Variants in COLEC11 observed in about 807,000 individuals in gnomAD.
The protein encoded by COLEC11 is collectin subfamily member 11.
A neutral mutation model predicts 27.3 loss-of-function variants in COLEC11; 20 were observed. The ratio of observed to expected loss-of-function variants is 0.73; its 90% CI spans 0.51 to 1.06. COLEC11 has a LOEUF of 1.06. COLEC11 is among the 50% of genes least tolerant of loss of function. The probability of loss-of-function intolerance (pLI) is 0.00; values close to 1 mark genes in which losing one functional copy is unlikely to be tolerated. For missense variants in COLEC11, 310 were observed against 383.0 expected (o/e 0.81, Z 1.59); for synonymous variants, 163 against 154.7 (o/e 1.05, Z -0.40).
chr2:3,597,829 G>A (rs923093134), intron 1 of COLEC11, among the ~76,000 whole-genome samples: 6 of 152,188 alleles, frequency 3.9e-5, no homozygotes, highest in East Asian at 1.9e-4. Flanking sequence ...GGCAGGAGCC[G>A]GGGAGACTAC....
intron 3 of COLEC11, among the ~76,000 whole-genome samples, chr2:3,619,649 G>A (rs1171340606): frequency 1.3e-5 from 2 of 152,074 alleles, no homozygotes; most frequent in Non-Finnish European, 2.9e-5. Flanking sequence ...TTTTTGAGAC[G>A]GAGTCTTGCT....
chr2:3,631,519 A>G (rs1302107407), intron 3 of COLEC11, among the ~76,000 whole-genome samples: 1 of 152,068 alleles, frequency 6.6e-6, no homozygotes, highest in Non-Finnish European at 1.5e-5. Flanking sequence ...GCCTCCCTGC[A>G]AGGCTGAGGG....
intron 2 of COLEC11, chr2:3,606,043 C>T (rs969472993): frequency 1.2e-4 from 178 of 1,544,576 alleles, no homozygotes; most frequent in Non-Finnish European, 1.5e-4. Context: ...TGGATGCCTA[C>T]GGCTCTCTCA....
chr2:3,620,897 C>T (rs767018835), intron 3 of COLEC11, among the ~76,000 whole-genome samples: 1 of 152,168 alleles, frequency 6.6e-6, no homozygotes, highest in Admixed American at 6.5e-5. Context: ...AGAAGAGACG[C>T]TTGATATGAT....
intron 3 of COLEC11, among the ~76,000 whole-genome samples, chr2:3,631,644 T>C (rs1558511888): frequency 1.3e-5 from 2 of 151,776 alleles, no homozygotes. Flanking sequence ...CAGCCGGGTA[T>C]GCTTGGTCAC....
At chr2:3,643,400 A>AGTCCTC (rs1666016370) in intron 5 of COLEC11, 44 bp from the exon 6 acceptor site, 2 of 1,499,024 alleles carry the variant, frequency 1.3e-6, no homozygotes, top group Non-Finnish European at 1.9e-6. Flanking sequence ...TCTGAGTCCG[A>AGTCCTC]GTCCTCATCC....
intron 3 of COLEC11, chr2:3,626,061 C>T (rs1303256644): frequency 1.2e-6 from 2 of 1,614,086 alleles, no homozygotes; most frequent in East Asian, 4.5e-5. Context: ...AAAGGAAGTG[C>T]ACCTCGTCCT....
intron 3 of COLEC11, among the ~76,000 whole-genome samples, chr2:3,615,804 GGGCTGCCCCCC>G (rs1558498853): frequency 3.6e-5 from 1 of 27,570 alleles, no homozygotes; most frequent in East Asian, 1.5e-3. Flanking sequence ...GGCCAGGCAG[GGGCTGCCCCCC>G]ACCTCCCTCC....
chr2:3,625,591 C>T lies in COLEC11; in HGVS notation c.203-11942C>T, dbSNP rs145880221. 7.1e-3 allele frequency among the ~76,000 whole-genome samples: 1,050 copies of T among 147,544 alleles called. 9 individuals are homozygous for T. Among genetic ancestry groups the T allele is most frequent in the Middle Eastern group, 0.054 (15 of 276 alleles). The stretch of plus-strand genomic sequence containing the variant: ...TCTACTCTGTGCCTCAGCTTGGACC[C>T]ATGAGTTTGGAAAGTTTCTTTTCTT... On this transcript the variant is annotated intron_variant, in intron 3 of 6. Transcript: ENST00000349077.
chr2:3,618,228 G>T (rs1422438515), intron 3 of COLEC11, among the ~76,000 whole-genome samples: 2 of 152,096 alleles, frequency 1.3e-5, no homozygotes, highest in Non-Finnish European at 2.9e-5. Flanking sequence ...TTTTGCTTTT[G>T]TTGCATGTGC....
chr2:3,598,018 C>T (rs1661974669), intron 1 of COLEC11, among the ~76,000 whole-genome samples: 1 of 152,036 alleles, frequency 6.6e-6, no homozygotes, highest in Non-Finnish European at 1.5e-5. Context: ...TCACTGCAAC[C>T]TCCACCTCCC....
At chr2:3,603,676 G>T (rs141857043) in intron 1 of COLEC11, 1 of 1,550,822 alleles carries the variant, frequency 6.4e-7, no homozygotes, top group South Asian at 1.2e-5. Flanking sequence ...GCACGTACCC[G>T]CCCCTCCTGG....
intron 3 of COLEC11, among the ~76,000 whole-genome samples, chr2:3,627,491 CGAT>C (rs1664645134): frequency 6.8e-6 from 1 of 146,968 alleles, no homozygotes; most frequent in Admixed American, 6.8e-5. Flanking sequence ...ATGAGCACGA[CGAT>C]GGGGTGGATC....
At chr2:3,601,720 C>T (rs1662238717) in intron 1 of COLEC11, among the ~76,000 whole-genome samples, 1 of 152,198 alleles carries the variant, frequency 6.6e-6, no homozygotes, top group Non-Finnish European at 1.5e-5. Context: ...GCAAGTGAAG[C>T]TCTCCCACGC....
rs751538157 is a variant in COLEC11, at chr2:3,644,507, A to G, written c.*389A>G. 2.1e-6 allele frequency: 1 copy of G among 469,456 alleles called. No homozygotes were observed. The highest frequency in any genetic ancestry group is 1.6e-5 in the South Asian group (1 of 64,156). The allele number at this position is 469,456 out of a possible 1,614,324, so 29.1% of individuals were successfully genotyped here. Reference sequence around the variant, plus strand: ...ACTACCTTTTAATTTCTATATGGAAAAGAACTCACTTTGACCAACACTTCT... The same window carrying G: ...ACTACCTTTTAATTTCTATATGGAAGAGAACTCACTTTGACCAACACTTCT... On this transcript the variant is annotated 3_prime_UTR_variant, in exon 7 of 7. Transcript: ENST00000349077.
At chr2:3,610,174 A>C (rs781578739) in intron 2 of COLEC11, among the ~76,000 whole-genome samples, 2 of 152,252 alleles carry the variant, frequency 1.3e-5, no homozygotes, top group African/African-American at 2.4e-5. Context: ...AGCACATCCC[A>C]GCTTGGACAT....
At chr2:3,609,352 A>ATTTTTTTTTTTTTTTTTTTTTTTTTTTTT in intron 2 of COLEC11, among the ~76,000 whole-genome samples, 1 of 87,510 alleles carries the variant, frequency 1.1e-5, no homozygotes, top group Non-Finnish European at 2.2e-5. Flanking sequence ...TTTTTCTTTG[A>ATTTTTTTTTTTTTTTTTTTTTTTTTTTTT]TTTTTTTTTT....
chr2:3,639,382 A>C (rs11684656), intron 4 of COLEC11, among the ~76,000 whole-genome samples: 4,120 of 152,064 alleles, frequency 0.027, 160 homozygotes, highest in African/African-American at 0.094. Flanking sequence ...TGCTTATTTG[A>C]TTTGCTTCGT....
chr2:3,616,892 A>T (rs1355062797), intron 3 of COLEC11, among the ~76,000 whole-genome samples: 3 of 152,202 alleles, frequency 2.0e-5, no homozygotes. Context: ...CAGGTCACAA[A>T]TGCTGGGATT....
Sources: allele counts gnomAD v4.1 joint callset (sites outside exome capture counted in the v4.1 genomes callset), GRCh38; gene constraint gnomAD v4.1.1; transcripts MANE v1.5; gene names NCBI Gene and HGNC (gene_info 2026-07-23, HGNC 2026-07-21).